The following UGT2A3 variants were observed in gnomAD, a reference collection of about 807,000 sequenced individuals.
UGT2A3 encodes the protein UDP glucuronosyltransferase family 2 member A3, also known as UDP-glucuronosyltransferase 2A3.
A neutral mutation model predicts 44.1 loss-of-function variants in UGT2A3; 55 were observed. The observed-to-expected ratio is 1.25, with a 90% confidence interval of 1.00 to 1.56. UGT2A3 has a LOEUF of 1.56. UGT2A3 is among the 40% of genes most tolerant of loss of function. The pLI, the probability that UGT2A3 is intolerant of heterozygous loss-of-function variation, is 0.00. For synonymous variants in UGT2A3, 243 were observed against 215.1 expected, an observed-to-expected ratio of 1.13 and a Z score of -1.13; for missense variants, 733 against 621.6, an observed-to-expected ratio of 1.18 and a Z score of -1.91.
chr4:68,946,873 C>T (rs1453894407), intron 1 of UGT2A3, among the ~76,000 whole-genome samples: 1 of 151,644 alleles, frequency 6.6e-6, no homozygotes, highest in Non-Finnish European at 1.5e-5. Context: ...ACCTTGTAGG[C>T]TATTAGCTGT....
intron 1 of UGT2A3, among the ~76,000 whole-genome samples, chr4:68,949,895 T>G (rs2109798502): frequency 6.6e-6 from 1 of 152,024 alleles, no homozygotes; most frequent in Non-Finnish European, 1.5e-5. Context: ...TATATCAAGC[T>G]GCTCCATGAT....
At chr4:68,950,249 T>C (rs1337380536) in intron 1 of UGT2A3, among the ~76,000 whole-genome samples, 1 of 151,996 alleles carries the variant, frequency 6.6e-6, no homozygotes, top group East Asian at 2.0e-4. Flanking sequence ...TGTCTAAGGC[T>C]AAGGACATTT....
At chr4:68,948,150 T>A (rs1301375306) in intron 1 of UGT2A3, among the ~76,000 whole-genome samples, 1 of 151,826 alleles carries the variant, frequency 6.6e-6, no homozygotes, top group African/African-American at 2.4e-5. Context: ...AGGTCTACAT[T>A]GAAAATCATT....
intron 2 of UGT2A3, among the ~76,000 whole-genome samples, chr4:68,939,150 T>C (rs1718084539): frequency 6.6e-6 from 1 of 152,272 alleles, no homozygotes; most frequent in East Asian, 1.9e-4. Context: ...TTCAATGCCA[T>C]GCCCATCAAG....
chr4:68,933,795 T>G (rs1717833203), intron 2 of UGT2A3, among the ~76,000 whole-genome samples: 1 of 152,056 alleles, frequency 6.6e-6, no homozygotes, highest in Admixed American at 6.6e-5. Context: ...GGCACAGCAT[T>G]ATGTTTTCAT....
At chr4:68,948,439 C>CTTTTTTTTTT (rs60082800) in intron 1 of UGT2A3, among the ~76,000 whole-genome samples, 162 of 110,050 alleles carry the variant, frequency 1.5e-3, no homozygotes, top group East Asian at 5.0e-3. Flanking sequence ...TCTTTTTTTT[C>CTTTTTTTTTT]TTTTTTTTTT....
intron 2 of UGT2A3, chr4:68,943,284 A>G: frequency 8.0e-7 from 1 of 1,255,540 alleles, no homozygotes. Context: ...GAGATTACCT[A>G]GAGAATGATG....
intron 2 of UGT2A3, among the ~76,000 whole-genome samples, chr4:68,941,704 CACA>C (rs904836983): frequency 8.6e-5 from 13 of 151,900 alleles, no homozygotes; most frequent in Middle Eastern, 3.4e-3. Flanking sequence ...AGAGACAATT[CACA>C]ACATGAAAAA....
At chr4:68,947,280 C>T (rs184129142) in intron 1 of UGT2A3, among the ~76,000 whole-genome samples, 1 of 151,820 alleles carries the variant, frequency 6.6e-6, no homozygotes. Flanking sequence ...CATTTTCACT[C>T]GGAGAAGATT....
At chr4:68,942,504 G>GAGATATATATATATATAT (rs1553902064) in intron 2 of UGT2A3, among the ~76,000 whole-genome samples, 1 of 131,028 alleles carries the variant, frequency 7.6e-6, no homozygotes, top group Non-Finnish European at 1.6e-5. Context: ...TTCCACTGGA[G>GAGATATATATATATATAT]ATATATATAT....
intron 2 of UGT2A3, among the ~76,000 whole-genome samples, chr4:68,945,022 CT>C (rs1718333217): frequency 6.6e-6 from 1 of 151,636 alleles, no homozygotes; most frequent in Non-Finnish European, 1.5e-5. Flanking sequence ...TTTTAGTGAT[CT>C]TCATGGCTCC....
intron 1 of UGT2A3, 47 bp from the exon 2 acceptor site, chr4:68,945,501 A>C: frequency 6.7e-7 from 1 of 1,486,924 alleles, no homozygotes; most frequent in South Asian, 1.3e-5. Context: ...ATTCAAATAA[A>C]AAATTGTATC....
At chr4:68,943,217 G>T in intron 2 of UGT2A3, 1 of 608,188 alleles carries the variant, frequency 1.6e-6, no homozygotes, top group Non-Finnish European at 2.4e-6. Flanking sequence ...TTGTGTGTGT[G>T]TGTTTGTGTG....
chr4:68,945,030 C>T (rs1718333436), intron 2 of UGT2A3, among the ~76,000 whole-genome samples: 1 of 151,648 alleles, frequency 6.6e-6, no homozygotes, highest in Non-Finnish European at 1.5e-5. Context: ...ATCTTCATGG[C>T]TCCAATTCCC....
chr4:68,932,854 T>C (rs1261344088), intron 2 of UGT2A3, 95 bp from the exon 3 acceptor site: 7 of 1,249,122 alleles, frequency 5.6e-6, no homozygotes, highest in Non-Finnish European at 7.8e-6. Context: ...CTTGAGAAAT[T>C]ATTAATGTGT....
chr4:68,936,888 CAAAAA>C (rs56737078), intron 2 of UGT2A3, among the ~76,000 whole-genome samples: 8 of 46,338 alleles, frequency 1.7e-4, no homozygotes, highest in East Asian at 7.8e-4. Flanking sequence ...AAATGGAAAG[CAAAAA>C]AAAAAAAAAA....
intron 2 of UGT2A3, among the ~76,000 whole-genome samples, chr4:68,945,004 A>G (rs934508354): frequency 6.6e-6 from 1 of 151,730 alleles, no homozygotes; most frequent in Non-Finnish European, 1.5e-5. Flanking sequence ...GAAAGGCTAG[A>G]GCATTCTTTT....
intron 2 of UGT2A3, among the ~76,000 whole-genome samples, chr4:68,939,165 C>T (rs4694449): frequency 0.12 from 18,024 of 152,114 alleles, 1,561 homozygotes; most frequent in Admixed American, 0.24. Flanking sequence ...ATCAAGCTAC[C>T]GATGGCTTTC....
intron 2 of UGT2A3, among the ~76,000 whole-genome samples, chr4:68,935,957 A>G (rs1414957721): frequency 2.0e-5 from 3 of 152,086 alleles, no homozygotes; most frequent in Non-Finnish European, 4.4e-5. Context: ...GGAAAAAAAG[A>G]TATCAGTGAT....
Sources: gnomAD v4.1 joint callset for allele counts (sites outside exome capture counted in the v4.1 genomes callset) on GRCh38, gnomAD v4.1.1 for gene constraint, MANE v1.5 for transcripts, NCBI Gene and HGNC (gene_info 2026-07-23, HGNC 2026-07-21) for gene names.